SDCCAG8: variants seen among roughly 807,000 people sequenced by gnomAD.
The protein encoded by SDCCAG8 is serologically defined colon cancer antigen 8.
In SDCCAG8, 74 loss-of-function variants were observed where a neutral mutation model predicts 101.8. The observed-to-expected ratio is 0.73, with a 90% CI of 0.60 to 0.88. The LOEUF is 0.88. Ranked by LOEUF, SDCCAG8 falls within the 40% of genes least tolerant of loss-of-function variation. The pLI is 0.00. For missense variants in SDCCAG8, 787 were observed against 822.6 expected (o/e 0.96, Z 0.53); for synonymous variants, 281 against 292.9 (o/e 0.96, Z 0.41).
At chr1:243,352,619 A>G (rs762892710) in intron 12 of SDCCAG8, among the ~76,000 whole-genome samples, 1 of 152,222 alleles carries the variant, frequency 6.6e-6, no homozygotes, top group Non-Finnish European at 1.5e-5. Context: ...TAGTCCAGAA[A>G]TATTAGTACC....
chr1:243,478,552 C>T (rs1177423043), intron 16 of SDCCAG8, among the ~76,000 whole-genome samples: 1 of 152,150 alleles, frequency 6.6e-6, no homozygotes, highest in Non-Finnish European at 1.5e-5. Context: ...ACAGGACATA[C>T]ATTCTCTTCA....
intron 9 of SDCCAG8, among the ~76,000 whole-genome samples, chr1:243,327,061 G>T (rs1246259547): frequency 2.0e-5 from 3 of 151,938 alleles, no homozygotes; most frequent in Admixed American, 2.0e-4. Flanking sequence ...CTGCTGGGTG[G>T]GGGGAATGTA....
chr1:243,282,840 G>C (rs1372186016), intron 4 of SDCCAG8, among the ~76,000 whole-genome samples: 1 of 151,862 alleles, frequency 6.6e-6, no homozygotes, highest in Non-Finnish European at 1.5e-5. Flanking sequence ...TTTGATTTTT[G>C]TTTTTTAATT....
At chr1:243,430,809 A>T (rs987602375) in intron 16 of SDCCAG8, among the ~76,000 whole-genome samples, 4 of 152,150 alleles carry the variant, frequency 2.6e-5, no homozygotes, top group African/African-American at 7.2e-5. Context: ...AAGATTTTTT[A>T]AAAAATAGAG....
chr1:243,308,236 G>A, intron 8 of SDCCAG8, 59 bp downstream of exon 8: 4 of 1,525,090 alleles, frequency 2.6e-6, no homozygotes, highest in Non-Finnish European at 3.6e-6. Context: ...TGCCTTTAAA[G>A]GGGCATTGTG....
intron 16 of SDCCAG8, among the ~76,000 whole-genome samples, chr1:243,471,277 G>A (rs938788624): frequency 2.6e-5 from 4 of 152,084 alleles, no homozygotes; most frequent in South Asian, 4.1e-4. Context: ...ATGGTCCTGC[G>A]AGCCCAGGAA....
chr1:243,317,712 A>G (rs1411863892), intron 9 of SDCCAG8, among the ~76,000 whole-genome samples: 1 of 152,202 alleles, frequency 6.6e-6, no homozygotes, highest in Non-Finnish European at 1.5e-5. Flanking sequence ...GGACGGTGTT[A>G]TAGGCACTTT....
At chr1:243,338,999 GGGC>G (rs2075214165) in intron 10 of SDCCAG8, 6 of 154,452 alleles carry the variant, frequency 3.9e-5, no homozygotes, top group South Asian at 2.7e-4. Context: ...AAAGTGGGGT[GGGC>G]GGCAGGAGGG....
At chr1:243,269,756 T>C (rs1194554533) in intron 1 of SDCCAG8, among the ~76,000 whole-genome samples, 2 of 151,802 alleles carry the variant, frequency 1.3e-5, no homozygotes, top group Non-Finnish European at 2.9e-5. Flanking sequence ...GGTAAAGGAG[T>C]CAGGCATGGT....
In SDCCAG8 at chr1:243,283,453, T is replaced by A. The variant is rs955079607; in HGVS notation, c.421-2819T>A. On this transcript the variant is annotated intron_variant, in intron 4 of 17. Coordinates refer to ENST00000366541, the MANE Select transcript of SDCCAG8 (RefSeq NM_006642.5). ...TATATATTTATTACACAATTTGTAA[T>A]TGTACTGCAGTTCTTGTATAATTTT... 8.6e-4 allele frequency among the ~76,000 whole-genome samples: 130 copies of A among 150,362 alleles called. 1 individual carries two copies. The highest frequency in any genetic ancestry group is 2.9e-3 in the African/African-American group (121 of 41,232).
intron 13 of SDCCAG8, among the ~76,000 whole-genome samples, chr1:243,413,046 T>C (rs1366883783): frequency 6.6e-6 from 1 of 152,156 alleles, no homozygotes; most frequent in Non-Finnish European, 1.5e-5. Flanking sequence ...AAACATAATG[T>C]ATAGTTTCCC....
At position 243,402,371 on chromosome 1, in the gene SDCCAG8, G is replaced by A. The variant is rs550577561; in HGVS notation, c.1617-13331G>A. Among the ~76,000 whole-genome samples, 18 of 149,872 alleles carry A rather than the reference G, an allele frequency of 1.2e-4. No homozygotes were observed. In the East Asian group the frequency reaches 2.0e-3, roughly 16 times the overall value. On this transcript the variant is annotated intron_variant, in intron 13 of 17. Coordinates refer to ENST00000366541, the MANE Select transcript of SDCCAG8 (RefSeq NM_006642.5). ...CTTGAACCCGGGAGGCGGAGGTTGC[G>A]GTGAGCTGGGCAACAAGCAAAACTC...
At chr1:243,370,979 A>G (rs2077258135) in intron 12 of SDCCAG8, among the ~76,000 whole-genome samples, 1 of 152,080 alleles carries the variant, frequency 6.6e-6, no homozygotes, top group Admixed American at 6.6e-5. Flanking sequence ...CATGTTGTAA[A>G]AGGTGTAGAC....
intron 13 of SDCCAG8, among the ~76,000 whole-genome samples, chr1:243,405,735 A>T (rs1018908180): frequency 6.6e-6 from 1 of 152,140 alleles, no homozygotes; most frequent in Non-Finnish European, 1.5e-5. Context: ...TGTGGAACAT[A>T]TTCTCAACAT....
chr1:243,341,178 A>G lies in SDCCAG8; in HGVS notation c.1356+5A>G. The G allele has an allele frequency of 6.2e-7, 1 of 1,613,922 alleles. No homozygotes were observed. Among genetic ancestry groups the G allele is most frequent in the Non-Finnish European group, 8.5e-7 (1 of 1,179,850 alleles). ...CGGGAAATGGATGTCACAAAGGTAC[A>G]GAAAGAGATTTTAGTGTAATCGTTA... On this transcript the variant is annotated splice_donor_5th_base_variant and intron_variant, in intron 11 of 17. Transcript: ENST00000366541.
chr1:243,469,143 T>TG (rs745868090), intron 16 of SDCCAG8, among the ~76,000 whole-genome samples: 2 of 152,362 alleles, frequency 1.3e-5, no homozygotes, highest in South Asian at 2.1e-4. Flanking sequence ...ATATCAATGA[T>TG]GATAACCTTG....
At chr1:243,355,912 G>A (rs1369429964) in intron 12 of SDCCAG8, among the ~76,000 whole-genome samples, 1 of 152,170 alleles carries the variant, frequency 6.6e-6, no homozygotes, top group Admixed American at 6.5e-5. Flanking sequence ...ACCTGGTGTG[G>A]ATTCTTCTTT....
chr1:243,433,851 T>G (rs1364967955), intron 16 of SDCCAG8, among the ~76,000 whole-genome samples: 1 of 152,204 alleles, frequency 6.6e-6, no homozygotes, highest in Non-Finnish European at 1.5e-5. Flanking sequence ...AAGTAAAAAA[T>G]TTAAAAGTAC....
At chr1:243,267,764 A>G (rs2067745934) in intron 1 of SDCCAG8, 6 of 803,178 alleles carry the variant, frequency 7.5e-6, no homozygotes, top group African/African-American at 5.0e-5. Flanking sequence ...CCTTAGAGCC[A>G]CTCAATACTT....
Sources: allele counts gnomAD v4.1 joint callset (sites outside exome capture counted in the v4.1 genomes callset), GRCh38; gene constraint gnomAD v4.1.1; transcripts MANE v1.5; gene names NCBI Gene and HGNC (gene_info 2026-07-23, HGNC 2026-07-21).